HDGFL3: variants seen among roughly 807,000 people sequenced by gnomAD.
HDGFL3 encodes HDGF like 3.
A neutral mutation model predicts 27.6 loss-of-function variants in HDGFL3; 6 were observed. That is an observed-to-expected ratio of 0.22 (90% CI 0.12 to 0.43). HDGFL3 has a LOEUF of 0.43. Ranked by LOEUF, HDGFL3 falls within the 20% of genes least tolerant of loss-of-function variation. The probability of loss-of-function intolerance (pLI) is 1.00; values close to 1 mark genes in which losing one functional copy is unlikely to be tolerated. For synonymous variants in HDGFL3, 88 were observed against 88.9 expected, an observed-to-expected ratio of 0.99 and a Z score of 0.05; for missense variants, 207 against 250.1, an observed-to-expected ratio of 0.83 and a Z score of 1.16.
chr15:83,144,060 GC>G, intron 5 of HDGFL3, among the ~76,000 whole-genome samples: 1 of 152,234 alleles, frequency 6.6e-6, no homozygotes, highest in East Asian at 1.9e-4. Flanking sequence ...TGACTGCCAG[GC>G]AATCGTCAGC....
intron 1 of HDGFL3, among the ~76,000 whole-genome samples, chr15:83,173,547 AAT>A (rs573048327): frequency 8.7e-4 from 133 of 152,232 alleles, no homozygotes; most frequent in African/African-American, 2.4e-3. Context: ...TACTTTTACC[AAT>A]ATGTTTCTCT....
At chr15:83,168,937 G>C (rs1190882633) in intron 1 of HDGFL3, among the ~76,000 whole-genome samples, 1 of 152,052 alleles carries the variant, frequency 6.6e-6, no homozygotes, top group Admixed American at 6.6e-5. Context: ...TGATCAAGCA[G>C]GTTTCATTTC....
chr15:83,200,052 A>AAG (rs1036431439), intron 1 of HDGFL3, among the ~76,000 whole-genome samples: 2 of 146,612 alleles, frequency 1.4e-5, no homozygotes, highest in African/African-American at 5.1e-5. Context: ...CTCAAAAAAA[A>AAG]AAAAAAAAAG....
chr15:83,173,326 G>T (rs1402908339), intron 1 of HDGFL3, among the ~76,000 whole-genome samples: 1 of 152,170 alleles, frequency 6.6e-6, no homozygotes, highest in Non-Finnish European at 1.5e-5. Context: ...AATAGGCTTT[G>T]TGTTAGACGA....
chr15:83,149,713 G>A lies in HDGFL3; in HGVS notation c.606+1502C>T, dbSNP rs1263630767. Among the ~76,000 whole-genome samples, 6 of 152,138 alleles carry A rather than the reference G, an allele frequency of 3.9e-5. No homozygotes were observed. The East Asian group carries it at 9.6e-4, about 24-fold the overall frequency. The stretch of plus-strand genomic sequence containing the variant: ...CATCAGGAGGAGGAGAGGAAATGGA[G>A]ACTGGGAGAAAAGATCATTCTTTTT... On this transcript the variant is annotated intron_variant, in intron 5 of 5. Transcript: ENST00000299633.
intron 1 of HDGFL3, among the ~76,000 whole-genome samples, chr15:83,193,071 CATCTCTTCCAGAGTCCCGT>C (rs149190777): frequency 0.046 from 6,989 of 152,256 alleles, 442 homozygotes; most frequent in African/African-American, 0.14. Flanking sequence ...TGTCATGGGA[CATCTCTTCCAGAGTCCCGT>C]TCTCTGCTTA....
chr15:83,145,435 CAGTGCTG>C, intron 5 of HDGFL3, among the ~76,000 whole-genome samples: 1 of 152,260 alleles, frequency 6.6e-6, no homozygotes, highest in East Asian at 1.9e-4. Context: ...CTTCTAAGGG[CAGTGCTG>C]CCTCTTTCCC....
chr15:83,200,338 AAAAAAAAAGAAAG>A (rs2037629554), intron 1 of HDGFL3, among the ~76,000 whole-genome samples: 2 of 152,028 alleles, frequency 1.3e-5, no homozygotes, highest in Admixed American at 1.3e-4. Context: ...CCATCTCAAA[AAAAAAAAAGAAAG>A]AAAAAAAAGA....
At chr15:83,173,064 C>T (rs140356185) in intron 1 of HDGFL3, among the ~76,000 whole-genome samples, 43 of 152,188 alleles carry the variant, frequency 2.8e-4, no homozygotes, top group Non-Finnish European at 6.2e-4. Context: ...TGTATTTTGT[C>T]GTAGCAAAAC....
intron 5 of HDGFL3, among the ~76,000 whole-genome samples, chr15:83,143,906 G>T (rs1378086463): frequency 2.0e-5 from 3 of 151,606 alleles, no homozygotes; most frequent in Non-Finnish European, 2.9e-5. Flanking sequence ...TGTTTTTTTT[G>T]TTTGTTTGTT....
intron 1 of HDGFL3, among the ~76,000 whole-genome samples, chr15:83,165,589 C>T (rs1463012053): frequency 6.6e-6 from 1 of 152,080 alleles, no homozygotes; most frequent in African/African-American, 2.4e-5. Flanking sequence ...AGCCACATGA[C>T]ATGGCTGTGT....
rs568498497 is a variant in HDGFL3 at position 83,158,975 on chromosome 15, G to C, written c.162-934C>G. Among the ~76,000 whole-genome samples the C allele has an allele frequency of 1.1e-4, 17 of 151,844 alleles. No individual in the cohort carries two copies. In the South Asian group the frequency reaches 3.5e-3, roughly 32 times the overall value. ...TCTCCTGCCTCAGCCTTCCAAGTAG[G>C]GGATTACAGGCATGCTCCATCACAT... On this transcript the variant is annotated intron_variant, in intron 2 of 5. Transcript: ENST00000299633.
intron 1 of HDGFL3, chr15:83,192,161 C>T (rs2037519087): frequency 2.8e-6 from 1 of 358,612 alleles, no homozygotes; most frequent in Non-Finnish European, 5.4e-6. Context: ...AGGCTGGTCT[C>T]GAACTCCTGA....
intron 1 of HDGFL3, among the ~76,000 whole-genome samples, chr15:83,192,486 G>T (rs923377768): frequency 3.9e-5 from 6 of 152,108 alleles, no homozygotes; most frequent in African/African-American, 1.4e-4. Context: ...AATTTTTGAT[G>T]AGTCAATGTA....
rs2036716505 is a variant in HDGFL3 at position 83,139,164 on chromosome 15, GACA to G, written c.*103_*105del. 4 of 656,080 alleles carry G rather than the reference GACA, an allele frequency of 6.1e-6. No individual in the cohort carries two copies. The highest frequency in any genetic ancestry group is 3.1e-5 in the East Asian group (1 of 32,616). The allele number at this position is 656,080 out of a possible 1,614,324, so 40.6% of individuals were successfully genotyped here. ...ACATACAAACTGGGGTTCTGTCAAT[GACA>G]ACAAGGACTATGTGTTGGTTCATAT... On this transcript the variant is annotated 3_prime_UTR_variant, in exon 6 of 6. Coordinates refer to ENST00000299633, the MANE Select transcript of HDGFL3 (RefSeq NM_016073.4).
At chr15:83,166,278 A>G (rs2037171089) in intron 1 of HDGFL3, among the ~76,000 whole-genome samples, 1 of 152,252 alleles carries the variant, frequency 6.6e-6, no homozygotes, top group Non-Finnish European at 1.5e-5. Context: ...CTTACAAGCC[A>G]GGAGAGACTG....
intron 2 of HDGFL3, among the ~76,000 whole-genome samples, 184 bp from the exon 3 acceptor site, chr15:83,158,225 G>A (rs2037057836): frequency 6.6e-6 from 1 of 152,148 alleles, no homozygotes; most frequent in Non-Finnish European, 1.5e-5. Context: ...CAGAAAAAAT[G>A]GATAGCTGAG....
At chr15:83,127,738 G>A (rs2151377278), downstream of HDGFL3, 1 of 366,170 alleles carries the variant, frequency 2.7e-6, no homozygotes, top group East Asian at 7.1e-5. Context: ...TTTGCCCAAG[G>A]TTACACACCC....
At chr15:83,144,460 A>G in intron 5 of HDGFL3, 1 of 456,148 alleles carries the variant, frequency 2.2e-6, no homozygotes, top group Non-Finnish European at 4.4e-6. Flanking sequence ...AGGTTACAAA[A>G]GACTGACTTC....
Sources: allele counts gnomAD v4.1 joint callset (sites outside exome capture counted in the v4.1 genomes callset), GRCh38; gene constraint gnomAD v4.1.1; transcripts MANE v1.5; gene names NCBI Gene and HGNC (gene_info 2026-07-23, HGNC 2026-07-21).